Variants in NEDD4 observed in about 807,000 individuals in gnomAD.
The protein encoded by NEDD4 is E3 ubiquitin-protein ligase NEDD4.
NEDD4 carries 99 observed loss-of-function variants against 144.9 expected under a neutral mutation model. The observed-to-expected ratio is 0.68, with a 90% CI of 0.58 to 0.81. The LOEUF (loss-of-function observed/expected upper bound fraction) is 0.81. Ranked by LOEUF, NEDD4 falls within the 30% of genes least tolerant of loss-of-function variation. NEDD4 has a pLI of 0.00. For synonymous variants in NEDD4, 318 were observed against 350.6 expected (o/e 0.91, Z 1.04); for missense variants, 985 against 1,065.9 (o/e 0.92, Z 1.06).
At chr15:55,925,029 T>C (rs1226655345) in intron 4 of NEDD4, among the ~76,000 whole-genome samples, 10 of 152,108 alleles carry the variant, frequency 6.6e-5, no homozygotes, top group East Asian at 1.9e-4. Flanking sequence ...GACTGTGCCA[T>C]TGCACTCCAG....
At chr15:55,932,187 T>C (rs540728879) in intron 4 of NEDD4, among the ~76,000 whole-genome samples, 1 of 152,272 alleles carries the variant, frequency 6.6e-6, no homozygotes, top group South Asian at 2.1e-4. Flanking sequence ...TAATAAGATC[T>C]GATGGCTTTA....
At position 55,993,493 on chromosome 15, in the gene NEDD4, G is replaced by T; in HGVS notation, c.45+18C>A. The T allele has an allele frequency of 6.3e-7, 1 of 1,594,880 alleles. No homozygotes were observed. Among genetic ancestry groups the T allele is most frequent in the South Asian group, 1.1e-5 (1 of 89,098 alleles). On this transcript the variant is annotated intron_variant, in intron 1 of 28. Transcript: ENST00000435532. ...AACCCGAAGGGAAGCCCGCCCCGCA[G>T]CCCCGCGGTCCCCGCACCTCGTCCT...
At chr15:55,941,540 G>A (rs1401301309) in intron 4 of NEDD4, among the ~76,000 whole-genome samples, 1 of 151,296 alleles carries the variant, frequency 6.6e-6, no homozygotes, top group African/African-American at 2.4e-5. Context: ...AATCTGCTGT[G>A]ATCAGAGAAC....
intron 5 of NEDD4, among the ~76,000 whole-genome samples, chr15:55,890,847 C>T (rs1345691200): frequency 6.6e-6 from 1 of 152,116 alleles, no homozygotes; most frequent in Non-Finnish European, 1.5e-5. Flanking sequence ...GTGGGTGTGA[C>T]GTAGTATACC....
intron 5 of NEDD4, among the ~76,000 whole-genome samples, chr15:55,878,947 C>A (rs1247650291): frequency 6.6e-5 from 10 of 152,180 alleles, no homozygotes; most frequent in African/African-American, 2.4e-5. Context: ...CTCAGCCTCG[C>A]AAGTAGCTGA....
intron 27 of NEDD4, among the ~76,000 whole-genome samples, chr15:55,832,711 G>A (rs1367361885): frequency 1.3e-5 from 2 of 151,894 alleles, no homozygotes; most frequent in African/African-American, 4.8e-5. Context: ...CACCCCTCCC[G>A]GCCAAGGTAA....
intron 27 of NEDD4, among the ~76,000 whole-genome samples, chr15:55,831,837 T>A (rs1455143486): frequency 6.6e-6 from 1 of 152,228 alleles, no homozygotes; most frequent in South Asian, 2.1e-4. Flanking sequence ...ATCTTACTCA[T>A]TGTTCTGAGT....
intron 2 of NEDD4, among the ~76,000 whole-genome samples, chr15:55,964,823 G>A (rs1002619239): frequency 1.3e-5 from 2 of 151,734 alleles, no homozygotes; most frequent in African/African-American, 4.8e-5. Context: ...GATGGGTCTC[G>A]GTTGGAGGTA....
At chr15:55,842,761 C>T (rs1294548258) in intron 18 of NEDD4, among the ~76,000 whole-genome samples, 1 of 152,196 alleles carries the variant, frequency 6.6e-6, no homozygotes, top group Non-Finnish European at 1.5e-5. Context: ...CCAATGAACA[C>T]CGTTCTGTGA....
chr15:55,831,199 C>T (rs1452947943), intron 27 of NEDD4, among the ~76,000 whole-genome samples: 3 of 152,232 alleles, frequency 2.0e-5, no homozygotes, highest in African/African-American at 7.2e-5. Flanking sequence ...AGATTACAGG[C>T]ATGAGCTACC....
chr15:55,911,602 T>C (rs1245572707), intron 5 of NEDD4, among the ~76,000 whole-genome samples: 1 of 151,892 alleles, frequency 6.6e-6, no homozygotes, highest in African/African-American at 2.4e-5. Context: ...CGATCTCGAC[T>C]CACTGCAAGC....
chr15:55,960,125 C>A (rs577714240), intron 2 of NEDD4, among the ~76,000 whole-genome samples: 1 of 152,292 alleles, frequency 6.6e-6, no homozygotes, highest in East Asian at 1.9e-4. Flanking sequence ...CCACTGACCC[C>A]ATACCCCCAA....
intron 1 of NEDD4, among the ~76,000 whole-genome samples, chr15:55,969,359 A>G (rs528402961): frequency 5.3e-5 from 8 of 152,264 alleles, no homozygotes; most frequent in African/African-American, 1.7e-4. Context: ...GGCAGTCTAG[A>G]CCATAAGGAC....
At chr15:55,944,778 A>G (rs2037078353) in intron 4 of NEDD4, among the ~76,000 whole-genome samples, 1 of 152,144 alleles carries the variant, frequency 6.6e-6, no homozygotes, top group Admixed American at 6.6e-5. Flanking sequence ...CCTCTGGGAC[A>G]AAGCTTCCAG....
intron 11 of NEDD4, among the ~76,000 whole-genome samples, chr15:55,858,807 T>C (rs2034293221): frequency 6.6e-6 from 1 of 152,242 alleles, no homozygotes; most frequent in Admixed American, 6.5e-5. Context: ...AGCACACATT[T>C]CCTGTTAAGA....
At chr15:55,924,841 G>C in intron 4 of NEDD4, 142 bp from the exon 5 acceptor site, 1 of 711,498 alleles carries the variant, frequency 1.4e-6, no homozygotes, top group Non-Finnish European at 2.4e-6. Flanking sequence ...GCCGAGGTGG[G>C]TGGATCGCCT....
intron 5 of NEDD4, among the ~76,000 whole-genome samples, chr15:55,907,988 G>A (rs568044439): frequency 6.6e-6 from 1 of 152,036 alleles, no homozygotes; most frequent in East Asian, 1.9e-4. Context: ...TTCACCCCAG[G>A]GACAAGGTAT....
At chr15:55,938,148 C>G (rs1420920406) in intron 4 of NEDD4, among the ~76,000 whole-genome samples, 1 of 152,082 alleles carries the variant, frequency 6.6e-6, no homozygotes, top group Non-Finnish European at 1.5e-5. Context: ...ATAATGAAGT[C>G]AAGAGATGGA....
intron 4 of NEDD4, among the ~76,000 whole-genome samples, chr15:55,948,460 G>A (rs927608893): frequency 2.3e-4 from 35 of 152,252 alleles, no homozygotes; most frequent in Non-Finnish European, 1.5e-4. Context: ...CTACTTTAAA[G>A]TTCATATGGA....
Sources: allele counts gnomAD v4.1 joint callset (sites outside exome capture counted in the v4.1 genomes callset), GRCh38; gene constraint gnomAD v4.1.1; transcripts MANE v1.5; gene names NCBI Gene and HGNC (gene_info 2026-07-23, HGNC 2026-07-21).